The following THSD7A variants were observed in gnomAD, a reference collection of about 807,000 sequenced individuals.
The protein encoded by THSD7A is thrombospondin type 1 domain containing 7A.
A neutral mutation model predicts 231.3 loss-of-function variants in THSD7A; 96 were observed. That is an observed-to-expected ratio of 0.41 (90% CI 0.35 to 0.49). THSD7A has a LOEUF of 0.49. Ranked by LOEUF, THSD7A falls within the 20% of genes least tolerant of loss-of-function variation. The pLI, the probability that THSD7A is intolerant of heterozygous loss-of-function variation, is 0.05. For missense variants in THSD7A, 2,290 were observed against 2,070.2 expected (o/e 1.11, Z -2.06); for synonymous variants, 940 against 743.3 (o/e 1.26, Z -4.30).
intron 1 of THSD7A, among the ~76,000 whole-genome samples, chr7:11,769,852 A>C (rs908655025): frequency 1.3e-5 from 2 of 152,194 alleles, no homozygotes; most frequent in African/African-American, 4.8e-5. Context: ...GATTACTTGC[A>C]ATATCTATAG....
chr7:11,606,395 T>C (rs1397930025), intron 2 of THSD7A, among the ~76,000 whole-genome samples: 1 of 152,090 alleles, frequency 6.6e-6, no homozygotes, highest in Non-Finnish European at 1.5e-5. Flanking sequence ...GTTGGATGAT[T>C]GATGAGCGCA....
intron 1 of THSD7A, among the ~76,000 whole-genome samples, chr7:11,794,097 C>G (rs1177855451): frequency 6.6e-6 from 1 of 151,776 alleles, no homozygotes; most frequent in Non-Finnish European, 1.5e-5. Flanking sequence ...GTTCTATATT[C>G]CTTTACTTAA....
At chr7:11,432,654 C>T (rs1784514193) in intron 13 of THSD7A, among the ~76,000 whole-genome samples, 1 of 151,980 alleles carries the variant, frequency 6.6e-6, no homozygotes, top group Non-Finnish European at 1.5e-5. Context: ...ATTGTTTATT[C>T]TGGTTGATGT....
chr7:11,629,401 G>C (rs757609652), intron 2 of THSD7A, among the ~76,000 whole-genome samples: 2 of 152,182 alleles, frequency 1.3e-5, no homozygotes, highest in South Asian at 2.1e-4. Context: ...GCCGAGGCAA[G>C]CTTGCGAGAC....
In THSD7A at chr7:11,590,678, T is replaced by G. The variant is rs751808045; in HGVS notation, c.1272-37A>C. 1 of 1,559,256 alleles carries G rather than the reference T, an allele frequency of 6.4e-7. No individual in the cohort carries two copies. The highest frequency in any genetic ancestry group is 2.3e-5 in the East Asian group (1 of 43,894). On this transcript the variant is annotated intron_variant, in intron 3 of 27. Coordinates refer to ENST00000423059, the MANE Select transcript of THSD7A (RefSeq NM_015204.3). The surrounding 1 kb of genome is among the most constrained non-coding windows in gnomAD (Gnocchi z 4.4). ...CAACACCACCAGCAGCAACCATAAT[T>G]ATTGAATGACGTGTTTCTCTACTCC...
Position 11,593,415 on chromosome 7 carries a change from G to A in THSD7A, c.1110C>T (p.Ser370=), listed in dbSNP as rs1012087517. Residue 370 remains serine, a synonymous_variant, in exon 3 of 28, where the codon AGC becomes AGT. Coordinates refer to ENST00000423059, the MANE Select transcript of THSD7A (RefSeq NM_015204.3). ...ECQVSEWSEW[S]PCSKTCHDMV... ...TGTCATGGCATGTTTTTGAGCAGGG[G>A]CTCCACTCTGACCACTCGGAAACCT... is the stretch of plus-strand genomic sequence containing the variant. The A allele has an allele frequency of 6.2e-7, 1 of 1,614,020 alleles. No individual in the cohort carries two copies.
chr7:11,777,370 G>T (rs1160184027), intron 1 of THSD7A, among the ~76,000 whole-genome samples: 1 of 151,330 alleles, frequency 6.6e-6, no homozygotes, highest in Non-Finnish European at 1.5e-5. Flanking sequence ...CCATGATTTT[G>T]CCATAATAGT....
At chr7:11,432,377 C>T (rs1784502587) in intron 13 of THSD7A, among the ~76,000 whole-genome samples, 1 of 152,094 alleles carries the variant, frequency 6.6e-6, no homozygotes, top group Non-Finnish European at 1.5e-5. Flanking sequence ...TTGTAGTCTT[C>T]ATATGCAAAA....
At position 11,831,677 on chromosome 7, in the gene THSD7A, G is replaced by T; in HGVS notation, c.190+80C>A. On this transcript the variant is annotated intron_variant, in intron 1 of 27. Coordinates refer to ENST00000423059, the MANE Select transcript of THSD7A (RefSeq NM_015204.3). The surrounding 1 kb of genome is among the most constrained non-coding windows in gnomAD (Gnocchi z 5.0). Reference sequence around the variant, plus strand: ...ATAACCAAGCCATCCAAAAGCACCGGGGTCCCTACAGAAGCCCACCAGCTC... The same window carrying T: ...ATAACCAAGCCATCCAAAAGCACCGTGGTCCCTACAGAAGCCCACCAGCTC... The T allele has an allele frequency of 9.2e-7, 1 of 1,089,236 alleles. No individual in the cohort carries two copies. Among genetic ancestry groups the T allele is most frequent in the East Asian group, 3.3e-5 (1 of 30,538 alleles). 67.5% of individuals were successfully genotyped at this position (1,089,236 alleles called of 1,614,324 possible). A position where few individuals can be genotyped will look rare whatever the true frequency, so the allele number is the denominator to read the frequency against.
chr7:11,426,639 A>G, intron 15 of THSD7A, 27 bp downstream of exon 15: 9 of 1,541,700 alleles, frequency 5.8e-6, no homozygotes, highest in Non-Finnish European at 7.8e-6. Flanking sequence ...GATTCTATCA[A>G]AAAGCATGAG....
chr7:11,553,828 G>A (rs987529752), intron 4 of THSD7A, among the ~76,000 whole-genome samples: 1 of 151,878 alleles, frequency 6.6e-6, no homozygotes, highest in African/African-American at 2.4e-5. Flanking sequence ...TGTTTTGAAT[G>A]TTTAAGCTCT....
intron 24 of THSD7A, among the ~76,000 whole-genome samples, chr7:11,381,490 C>G (rs1256929055): frequency 6.6e-6 from 1 of 152,092 alleles, no homozygotes; most frequent in Non-Finnish European, 1.5e-5. Flanking sequence ...TTGATCCTTG[C>G]TCCTGTTTCT....
intron 1 of THSD7A, among the ~76,000 whole-genome samples, chr7:11,695,404 C>G (rs1161117908): frequency 1.3e-5 from 2 of 151,312 alleles, no homozygotes; most frequent in African/African-American, 4.8e-5. Context: ...AAAAAATTAT[C>G]AAGATATAAT....
intron 11 of THSD7A, among the ~76,000 whole-genome samples, chr7:11,455,370 CTAA>C (rs1189499164): frequency 1.3e-5 from 2 of 152,004 alleles, no homozygotes; most frequent in African/African-American, 4.8e-5. Flanking sequence ...GAAAAGATTT[CTAA>C]TGTTTCTACA....
intron 1 of THSD7A, among the ~76,000 whole-genome samples, chr7:11,665,276 G>A (rs1783085870): frequency 6.6e-6 from 1 of 151,994 alleles, no homozygotes; most frequent in Non-Finnish European, 1.5e-5. Flanking sequence ...CACTGAAAAT[G>A]TTCCTGCCCA....
At chr7:11,729,295 C>T (rs1781647947) in intron 1 of THSD7A, among the ~76,000 whole-genome samples, 2 of 151,724 alleles carry the variant, frequency 1.3e-5, no homozygotes, top group Non-Finnish European at 1.5e-5. Context: ...TGTCCTTAAT[C>T]GTGTATGACA....
At chr7:11,545,493 AC>A (rs1789342084) in intron 4 of THSD7A, among the ~76,000 whole-genome samples, 1 of 152,102 alleles carries the variant, frequency 6.6e-6, no homozygotes, top group Admixed American at 6.5e-5. Context: ...GAAGACCTGC[AC>A]CCTCCAAGCA....
chr7:11,547,526 T>C (rs1470717918), intron 4 of THSD7A, among the ~76,000 whole-genome samples: 3 of 152,136 alleles, frequency 2.0e-5, no homozygotes, highest in East Asian at 3.9e-4. Context: ...GAACATTCCA[T>C]CTAACAACAA....
chr7:11,498,519 C>T (rs1235800577), intron 6 of THSD7A, among the ~76,000 whole-genome samples: 1 of 152,196 alleles, frequency 6.6e-6, no homozygotes, highest in Non-Finnish European at 1.5e-5. Context: ...GGGTGGGCCA[C>T]CATCTTTGCT....
Sources: gnomAD v4.1 joint callset for allele counts (sites outside exome capture counted in the v4.1 genomes callset) on GRCh38, gnomAD v4.1.1 for gene constraint, Gnocchi (gnomAD v3.1) non-coding constraint, MANE v1.5 for transcripts, NCBI Gene and HGNC (gene_info 2026-07-23, HGNC 2026-07-21) for gene names.